SHROOM3: variants seen among roughly 807,000 people sequenced by gnomAD.
The protein encoded by SHROOM3 is protein Shroom3.
SHROOM3 carries 47 observed loss-of-function variants against 138.6 expected under a neutral mutation model. The observed-to-expected ratio is 0.34, with a 90% CI of 0.27 to 0.43. The LOEUF is 0.43. SHROOM3 is among the 20% of genes least tolerant of loss of function. SHROOM3 has a pLI of 1.00. For missense variants in SHROOM3, 2,491 were observed against 2,596.5 expected (o/e 0.96, Z 0.88); for synonymous variants, 1,062 against 1,063.3 (o/e 1.00, Z 0.02).
chr4:76,597,081 T>C (rs764848880), intron 2 of SHROOM3, among the ~76,000 whole-genome samples: 1 of 152,226 alleles, frequency 6.6e-6, no homozygotes, highest in Non-Finnish European at 1.5e-5. Context: ...CCTCTGTCTC[T>C]GATAAAAGGG....
chr4:76,496,079 C>A (rs188462118), intron 1 of SHROOM3, among the ~76,000 whole-genome samples: 1 of 152,160 alleles, frequency 6.6e-6, no homozygotes, highest in African/African-American at 2.4e-5. Flanking sequence ...GATTAGGAGG[C>A]TAGGCTAGTG....
At position 76,552,097 on chromosome 4, in the gene SHROOM3, G is replaced by A. The variant is rs897749676; in HGVS notation, c.169-3512G>A. ...AGGATGGACTCGATCTCCTGACCTT[G>A]TGATCCGCCCGCCTCGGCCCCCCTA... On this transcript the variant is annotated intron_variant, in intron 1 of 10. Transcript: ENST00000296043. 1.7e-4 allele frequency among the ~76,000 whole-genome samples: 25 copies of A among 150,102 alleles called. 1 individual carries two copies. The South Asian group carries it at 2.9e-3, about 18-fold the overall frequency.
At chr4:76,769,388 G>C (rs1278833467) in intron 9 of SHROOM3, among the ~76,000 whole-genome samples, 1 of 151,410 alleles carries the variant, frequency 6.6e-6, no homozygotes, top group East Asian at 1.9e-4. Flanking sequence ...TTTCCATCTA[G>C]CTATTTTAGG....
chr4:76,601,802 C>T (rs1734512631), intron 2 of SHROOM3, among the ~76,000 whole-genome samples: 2 of 152,340 alleles, frequency 1.3e-5, no homozygotes, highest in East Asian at 3.9e-4. Context: ...CCACGGCGCC[C>T]AGCCTTACTC....
intron 3 of SHROOM3, among the ~76,000 whole-genome samples, chr4:76,717,366 C>G (rs971528263): frequency 6.6e-6 from 1 of 152,148 alleles, no homozygotes; most frequent in African/African-American, 2.4e-5. Flanking sequence ...CTTCCTGGAT[C>G]TGTGGTTTGG....
intron 2 of SHROOM3, among the ~76,000 whole-genome samples, chr4:76,696,816 A>T (rs1333165818): frequency 1.3e-5 from 2 of 152,222 alleles, no homozygotes; most frequent in African/African-American, 4.8e-5. Context: ...CATCAAAGGC[A>T]TGTTTTCACA....
At chr4:76,691,076 T>A (rs1045974992) in intron 2 of SHROOM3, among the ~76,000 whole-genome samples, 2 of 152,208 alleles carry the variant, frequency 1.3e-5, no homozygotes, top group Non-Finnish European at 2.9e-5. Context: ...TACATCTCTC[T>A]ACCATTAAGG....
intron 2 of SHROOM3, chr4:76,689,808 C>A: frequency 1.1e-6 from 1 of 951,386 alleles, no homozygotes; most frequent in African/African-American, 1.8e-5. Flanking sequence ...AAAGCCCTGT[C>A]TGGAGGATGG....
chr4:76,496,367 GC>G (rs1298257796), intron 1 of SHROOM3, among the ~76,000 whole-genome samples: 3 of 152,210 alleles, frequency 2.0e-5, no homozygotes, highest in Non-Finnish European at 2.9e-5. Flanking sequence ...CCTGTGTCAG[GC>G]CTTCGTGGAG....
intron 1 of SHROOM3, among the ~76,000 whole-genome samples, chr4:76,505,660 C>CTT (rs201633763): frequency 1.8e-3 from 238 of 135,794 alleles, no homozygotes; most frequent in Middle Eastern, 7.8e-3. Flanking sequence ...GGTATTGTGA[C>CTT]TTTTTTTTTT....
chr4:76,584,226 G>A (rs1734105007), intron 2 of SHROOM3, among the ~76,000 whole-genome samples: 1 of 152,042 alleles, frequency 6.6e-6, no homozygotes, highest in Non-Finnish European at 1.5e-5. Flanking sequence ...GCTGAGGCAG[G>A]AGAATCTCTT....
intron 2 of SHROOM3, among the ~76,000 whole-genome samples, chr4:76,563,940 T>C (rs994741979): frequency 1.3e-5 from 2 of 152,300 alleles, no homozygotes; most frequent in East Asian, 1.9e-4. Flanking sequence ...GAAGGCAGTG[T>C]GTCCCCACCA....
intron 2 of SHROOM3, among the ~76,000 whole-genome samples, chr4:76,705,452 G>A (rs2110115045): frequency 6.6e-6 from 1 of 152,308 alleles, no homozygotes; most frequent in South Asian, 2.1e-4. Context: ...AGCCAAGATT[G>A]TGCCACTGCA....
In SHROOM3 at chr4:76,605,445, C is replaced by T. The variant is rs867217993; in HGVS notation, c.323+49682C>T. Among the ~76,000 whole-genome samples the T allele has an allele frequency of 3.3e-5, 5 of 152,244 alleles. No individual in the cohort carries two copies. In the South Asian group the frequency reaches 1.0e-3, roughly 32 times the overall value. ...ATAAATTAGATTTGAACTAGGCATGCCTTTTAGCCTCAACACATCCCATTT... is the reference window on the plus strand; with the variant it reads ...ATAAATTAGATTTGAACTAGGCATGTCTTTTAGCCTCAACACATCCCATTT... On this transcript the variant is annotated intron_variant, in intron 2 of 10. Transcript: ENST00000296043.
intron 1 of SHROOM3, among the ~76,000 whole-genome samples, chr4:76,524,130 G>A (rs911962945): frequency 2.0e-5 from 3 of 151,866 alleles, no homozygotes; most frequent in Admixed American, 1.3e-4. Flanking sequence ...TAGAGGGTCC[G>A]GGCAAATGTT....
chr4:76,660,764 C>T (rs930382182), intron 2 of SHROOM3, among the ~76,000 whole-genome samples: 23 of 152,146 alleles, frequency 1.5e-4, no homozygotes, highest in Non-Finnish European at 5.9e-5. Context: ...ACATGAGCCA[C>T]TGTGCCTGGC....
intron 2 of SHROOM3, chr4:76,645,711 A>G (rs1577948568): frequency 6.6e-6 from 1 of 152,230 alleles, no homozygotes; most frequent in South Asian, 2.1e-4. Context: ...AAGCCAATAC[A>G]AAGACATATA....
intron 1 of SHROOM3, among the ~76,000 whole-genome samples, chr4:76,533,374 A>G (rs1341496059): frequency 1.3e-5 from 2 of 152,228 alleles, no homozygotes; most frequent in Non-Finnish European, 2.9e-5. Flanking sequence ...AAGACATTTA[A>G]AAACCTAAAG....
rs565958376 is a variant in SHROOM3 at position 76,668,958 on chromosome 4, A to G, written c.324-41198A>G. Reference sequence around the variant, plus strand: ...CCTTCCCCATTCCTTTATTGCACATAAAGTAACTGGCATATGTGCACAAGC... The same window carrying G: ...CCTTCCCCATTCCTTTATTGCACATGAAGTAACTGGCATATGTGCACAAGC... On this transcript the variant is annotated intron_variant, in intron 2 of 10. Transcript: ENST00000296043. Among the ~76,000 whole-genome samples, 7 of 152,210 alleles carry G rather than the reference A, an allele frequency of 4.6e-5. 1 individual carries two copies. Among genetic ancestry groups the G allele is most frequent in the Non-Finnish European group, 1.0e-4 (7 of 68,044 alleles).
Sources: allele counts gnomAD v4.1 joint callset (sites outside exome capture counted in the v4.1 genomes callset), GRCh38; gene constraint gnomAD v4.1.1; transcripts MANE v1.5; gene names NCBI Gene and HGNC (gene_info 2026-07-23, HGNC 2026-07-21).